The following CABIN1 variants were observed in gnomAD, a reference collection of about 807,000 sequenced individuals.
CABIN1 encodes the protein calcineurin-binding protein cabin-1.
Under a neutral mutation model 227.7 loss-of-function variants are expected in CABIN1, and 133 were observed. That is an observed-to-expected ratio of 0.58 (90% confidence interval 0.51 to 0.67). CABIN1 has a LOEUF of 0.67. Ranked by LOEUF, CABIN1 falls within the 30% of genes least tolerant of loss-of-function variation. The pLI is 0.00. For missense variants in CABIN1, 2,408 were observed against 2,852.5 expected, an observed-to-expected ratio of 0.84 and a Z score of 3.55; for synonymous variants, 1,086 against 1,155.1, an observed-to-expected ratio of 0.94 and a Z score of 1.21.
intron 24 of CABIN1, among the ~76,000 whole-genome samples, chr22:24,093,622 G>A (rs1253638915): frequency 1.3e-5 from 2 of 152,086 alleles, no homozygotes; most frequent in African/African-American, 4.8e-5. Flanking sequence ...TAATCCCACT[G>A]CTTTGGGAGG....
At chr22:24,038,513 G>A (rs1018840776) in intron 4 of CABIN1, 52 bp downstream of exon 4, 3 of 1,270,360 alleles carry the variant, frequency 2.4e-6, no homozygotes, top group South Asian at 1.2e-5. Context: ...TGCATGGGCT[G>A]TGGGGCTGGG....
chr22:24,151,363 C>T (rs1254908914), intron 29 of CABIN1, among the ~76,000 whole-genome samples: 2 of 152,164 alleles, frequency 1.3e-5, no homozygotes, highest in African/African-American at 4.8e-5. Flanking sequence ...TTCCCCATGA[C>T]CTTCCCTACC....
chr22:24,018,319 A>G (rs940208973), intron 1 of CABIN1, among the ~76,000 whole-genome samples: 1 of 152,036 alleles, frequency 6.6e-6, no homozygotes, highest in Non-Finnish European at 1.5e-5. Context: ...ATGTAGTTAA[A>G]TGTATCACTC....
chr22:24,079,293 C>A (rs2040652463), intron 19 of CABIN1, among the ~76,000 whole-genome samples: 1 of 152,062 alleles, frequency 6.6e-6, no homozygotes. Context: ...TTTTTTAAAA[C>A]AATTTTCCTA....
rs189731104 is a variant in CABIN1 at position 24,087,524 on chromosome 22, G to A, written c.3336G>A (p.Leu1112=). ...AGGACAAGCTGAACTCCAATGAGCT[G>A]AAGAGTGATGGGCCCATTTGGAAGC... The part of the protein sequence containing the change: ...RIQDKLNSNE[L]KSDGPIWKHA... Residue 1112 remains leucine (L), a synonymous_variant, in exon 23 of 37, where the codon CTG becomes CTA. Transcript: ENST00000263119. 1.9e-5 allele frequency: 30 copies of A among 1,614,238 alleles called. No individual in the cohort carries two copies. In the Admixed American group the frequency reaches 4.7e-4, roughly 25 times the overall value.
intron 29 of CABIN1, among the ~76,000 whole-genome samples, chr22:24,149,998 T>A (rs2045387081): frequency 6.6e-6 from 1 of 152,218 alleles, no homozygotes; most frequent in African/African-American, 2.4e-5. Context: ...AACCTGGCCC[T>A]GCCTCACGGG....
chr22:24,120,143 C>A (rs1378584826), intron 28 of CABIN1, among the ~76,000 whole-genome samples: 1 of 152,220 alleles, frequency 6.6e-6, no homozygotes, highest in Non-Finnish European at 1.5e-5. Context: ...TTGCCCTAGG[C>A]CCCATCTCTC....
intron 15 of CABIN1, among the ~76,000 whole-genome samples, chr22:24,066,138 T>C (rs1363040271): frequency 6.6e-6 from 1 of 152,194 alleles, no homozygotes; most frequent in Non-Finnish European, 1.5e-5. Flanking sequence ...GACCTGTTTC[T>C]GAGGAACAAG....
chr22:24,072,282 G>A, intron 17 of CABIN1, 72 bp from the exon 18 acceptor site: 2 of 1,572,428 alleles, frequency 1.3e-6, no homozygotes, highest in Non-Finnish European at 1.7e-6. Flanking sequence ...GAGGCCTCCT[G>A]CCTCCCTTCA....
intron 6 of CABIN1, among the ~76,000 whole-genome samples, chr22:24,044,469 T>C (rs752822698): frequency 6.6e-6 from 1 of 152,204 alleles, no homozygotes; most frequent in Non-Finnish European, 1.5e-5. Context: ...GTCACACTCA[T>C]AGTGTTCTCA....
rs749554649 is a variant in CABIN1 at position 24,166,780 on chromosome 22, C to A, written c.5149C>A (p.Pro1717Thr). ...GCCCCCTCTGGCTGATGGCTCAGGG[C>A]CAGGGCCCGAGCCAGGAGGCAAAGT... Reference protein sequence around the residue: ...KKPPLADGSGPGPEPGGKVGL... With the variant: ...KKPPLADGSGTGPEPGGKVGL... Residue 1717 changes from proline to threonine, a missense_variant, in exon 32 of 37, where the codon CCA (proline) becomes ACA (threonine). Pro to Thr is a conservative substitution (Grantham distance 38). Coordinates refer to ENST00000263119, the MANE Select transcript of CABIN1 (RefSeq NM_012295.4). The A allele has an allele frequency of 6.2e-7, 1 of 1,612,928 alleles. No individual in the cohort carries two copies. Among genetic ancestry groups the A allele is most frequent in the Non-Finnish European group, 8.5e-7 (1 of 1,179,984 alleles).
At chr22:24,020,524 A>G (rs778076729) in intron 1 of CABIN1, among the ~76,000 whole-genome samples, 37 of 151,814 alleles carry the variant, frequency 2.4e-4, no homozygotes, top group Admixed American at 1.3e-3. Flanking sequence ...AGGTCTCCCT[A>G]TGTTGCCCAG....
At chr22:24,034,644 A>T (rs2036736775) in intron 1 of CABIN1, among the ~76,000 whole-genome samples, 1 of 152,208 alleles carries the variant, frequency 6.6e-6, no homozygotes, top group Non-Finnish European at 1.5e-5. Flanking sequence ...TTCCCTGGTC[A>T]TATGCTAGCT....
intron 23 of CABIN1, among the ~76,000 whole-genome samples, chr22:24,091,333 C>T (rs2041526897): frequency 6.6e-6 from 1 of 152,168 alleles, no homozygotes; most frequent in Admixed American, 6.5e-5. Flanking sequence ...AAAAAGTACC[C>T]TGGTTGACAT....
intron 19 of CABIN1, among the ~76,000 whole-genome samples, chr22:24,080,809 G>C (rs1215251693): frequency 6.6e-6 from 1 of 152,062 alleles, no homozygotes; most frequent in African/African-American, 2.4e-5. Context: ...TTTGCTTATT[G>C]CTTCTATTAA....
intron 35 of CABIN1, 94 bp downstream of exon 35, chr22:24,176,369 C>A: frequency 1.4e-6 from 2 of 1,389,240 alleles, no homozygotes; most frequent in Non-Finnish European, 2.0e-6. Context: ...CCTTGAAGGG[C>A]AGGGCCTGGG....
intron 29 of CABIN1, among the ~76,000 whole-genome samples, chr22:24,135,973 C>T (rs574524368): frequency 6.6e-6 from 1 of 152,094 alleles, no homozygotes; most frequent in Non-Finnish European, 1.5e-5. Context: ...TCTGCCCACC[C>T]TCTCTGTTTT....
chr22:24,062,030 G>A lies in CABIN1; in HGVS notation c.1696+5G>A. 1 of 1,611,882 alleles carries A rather than the reference G, an allele frequency of 6.2e-7. No homozygotes were observed. The highest frequency in any genetic ancestry group is 8.5e-7 in the Non-Finnish European group (1 of 1,178,330). On this transcript the variant is annotated splice_donor_5th_base_variant and intron_variant, in intron 13 of 36. Coordinates refer to ENST00000263119, the MANE Select transcript of CABIN1 (RefSeq NM_012295.4). ...CCAAAGGCAGAAGCTCTGCAGGTAG[G>A]AGGCATTATGTGTTCTGTGGCCAGG...
At chr22:24,093,059 G>A (rs956111656) in intron 24 of CABIN1, among the ~76,000 whole-genome samples, 6 of 152,112 alleles carry the variant, frequency 3.9e-5, no homozygotes, top group African/African-American at 1.4e-4. Context: ...GCATGTCTTT[G>A]TACTTGAAGC....
Sources: gnomAD v4.1 joint callset for allele counts (sites outside exome capture counted in the v4.1 genomes callset) on GRCh38, gnomAD v4.1.1 for gene constraint, MANE v1.5 for transcripts, NCBI Gene and HGNC (gene_info 2026-07-23, HGNC 2026-07-21) for gene names.